ZSWIM9: variants seen among roughly 807,000 people sequenced by gnomAD.
The protein encoded by ZSWIM9 is uncharacterized protein ZSWIM9.
Under a neutral mutation model 25.0 loss-of-function variants are expected in ZSWIM9, and 11 were observed. The ratio of observed to expected loss-of-function variants is 0.44; its 90% confidence interval spans 0.28 to 0.73. ZSWIM9 has a LOEUF of 0.73. Among genes scored for constraint, ZSWIM9 ranks in the 30% least tolerant of loss-of-function variants. ZSWIM9 has a pLI of 0.16. For synonymous variants in ZSWIM9, 562 were observed against 582.1 expected (o/e 0.97, Z 0.50); for missense variants, 1,070 against 1,296.5 (o/e 0.83, Z 2.68).
At chr19:48,172,142 G>GGGGGGGGGGGGGGGGGGC in intron 2 of ZSWIM9, 65 bp downstream of exon 2, 1 of 546,424 alleles carries the variant, frequency 1.8e-6, no homozygotes, top group East Asian at 4.0e-5. Context: ...GTGTGGGTGG[G>GGGGGGGGGGGGGGGGGGC]AGACGGGCAG....
intron 3 of ZSWIM9, chr19:48,187,612 T>TA (rs1477446548): frequency 4.8e-5 from 5 of 103,888 alleles, no homozygotes; most frequent in South Asian, 2.5e-4. Context: ...ATATATTATA[T>TA]TAATATTATA....
At position 48,195,336 on chromosome 19, in the gene ZSWIM9, G is replaced by A. The variant is rs1180998297; in HGVS notation, c.1272G>A (p.Ala424=). 2.6e-6 allele frequency: 4 copies of A among 1,528,158 alleles called. No homozygotes were observed. In the African/African-American group the frequency reaches 4.2e-5, roughly 16 times the overall value. 94.7% of individuals were successfully genotyped at this position (1,528,158 alleles called of 1,614,324 possible). A position where few individuals can be genotyped will look rare whatever the true frequency, so the allele number is the denominator to read the frequency against. Residue 424 remains alanine, a synonymous_variant, in exon 4 of 4, where the codon GCG becomes GCA. Transcript: ENST00000614654. The surrounding 1 kb of genome is among the most constrained non-coding windows in gnomAD (Gnocchi z 5.8). The part of the protein sequence containing the change: ...LRRLSPSRGV[A]QCLRDLVAMQ... Reference sequence around the variant, plus strand: ...GTCTCAGCCCCTCGCGTGGCGTGGCGCAGTGCCTTCGCGACCTGGTGGCCA... The same window carrying A: ...GTCTCAGCCCCTCGCGTGGCGTGGCACAGTGCCTTCGCGACCTGGTGGCCA...
intron 3 of ZSWIM9, among the ~76,000 whole-genome samples, chr19:48,191,591 G>A (rs1005299809): frequency 1.3e-5 from 2 of 152,298 alleles, no homozygotes; most frequent in Admixed American, 1.3e-4. Context: ...CATGGAAAAG[G>A]GAAGGTTTAC....
intron 3 of ZSWIM9, among the ~76,000 whole-genome samples, chr19:48,183,489 G>A (rs1000071585): frequency 6.6e-6 from 1 of 151,984 alleles, no homozygotes; most frequent in African/African-American, 2.4e-5. Flanking sequence ...GCCTTGCAGA[G>A]GTAACTGCCA....
chr19:48,173,561 G>A (rs576953913), intron 2 of ZSWIM9, among the ~76,000 whole-genome samples: 34 of 151,848 alleles, frequency 2.2e-4, no homozygotes, highest in African/African-American at 7.5e-4. Context: ...TGCCCACCTC[G>A]GCCTCCCAGA....
Position 48,194,621 on chromosome 19 carries a change from C to T in ZSWIM9, c.589-32C>T, listed in dbSNP as rs1199216739. 1 of 1,405,112 alleles carries T rather than the reference C, an allele frequency of 7.1e-7. No homozygotes were observed. The highest frequency in any genetic ancestry group is 9.3e-7 in the Non-Finnish European group (1 of 1,076,690). 87.0% of individuals were successfully genotyped at this position (1,405,112 alleles called of 1,614,324 possible). A position where few individuals can be genotyped will look rare whatever the true frequency, so the allele number is the denominator to read the frequency against. ...CGGGGAGACCCCAGCATCCTCTGACCTCTTTCCTTGCCTCCCTGCCCCCGC... is the reference window on the plus strand; with the variant it reads ...CGGGGAGACCCCAGCATCCTCTGACTTCTTTCCTTGCCTCCCTGCCCCCGC... On this transcript the variant is annotated intron_variant, in intron 3 of 3. Transcript: ENST00000614654. The surrounding 1 kb of genome is among the most constrained non-coding windows in gnomAD (Gnocchi z 6.0).
chr19:48,173,193 G>A (rs1419580707), intron 2 of ZSWIM9, among the ~76,000 whole-genome samples: 1 of 152,200 alleles, frequency 6.6e-6, no homozygotes, highest in Non-Finnish European at 1.5e-5. Flanking sequence ...CAAGCTCACA[G>A]GTAGTTCCCT....
chr19:48,171,402 G>A (rs868538189), intron 1 of ZSWIM9: 5 of 984,942 alleles, frequency 5.1e-6, no homozygotes, highest in South Asian at 4.7e-5. Context: ...TTGGGTGAGA[G>A]ACACAGCTGG....
At chr19:48,178,837 G>A (rs1209674131) in intron 2 of ZSWIM9, among the ~76,000 whole-genome samples, 1 of 152,056 alleles carries the variant, frequency 6.6e-6, no homozygotes, top group East Asian at 1.9e-4. Flanking sequence ...GCCTCCCAAA[G>A]TGCTAGAATT....
rs1266552576 is a variant in ZSWIM9 at position 48,191,125 on chromosome 19, T to TGTGTGC, written c.589-3527_589-3526insTGTGCG. ...GTGTGTGTGTGTGTGTGTGTGTGTG[T>TGTGTGC]GCAGAATGGGTAGAACCGTGCCCAG... On this transcript the variant is annotated intron_variant, in intron 3 of 3. Transcript: ENST00000614654. Among the ~76,000 whole-genome samples the TGTGTGC allele has an allele frequency of 9.9e-5, 15 of 150,894 alleles. No homozygotes were observed. In the South Asian group the frequency reaches 2.7e-3, roughly 27 times the overall value.
Position 48,197,157 on chromosome 19 carries a change from G to A in ZSWIM9, c.*330G>A. 7 of 696,866 alleles carry A rather than the reference G, an allele frequency of 1.0e-5. No individual in the cohort carries two copies. Among genetic ancestry groups the A allele is most frequent in the South Asian group, 4.5e-5 (3 of 66,842 alleles). 43.2% of individuals were successfully genotyped at this position (696,866 alleles called of 1,614,324 possible). On this transcript the variant is annotated 3_prime_UTR_variant, in exon 4 of 4. Coordinates refer to ENST00000614654, the MANE Select transcript of ZSWIM9 (RefSeq NM_199341.4). ...GGAAAGGGGCAGAGCTGGGGGGAGG[G>A]GGAGGAAGCGATCATATGGGGAGTG...
chr19:48,196,814 C>A lies in ZSWIM9; in HGVS notation c.2750C>A (p.Ala917Asp), dbSNP rs1464577398. ...MDLLRDCWGR[A>D]PEP ...CTGCTCAGGGATTGCTGGGGGAGAGCCCCAGAGCCCTGACCCTTCATGCCT... is the reference window on the plus strand; with the variant it reads ...CTGCTCAGGGATTGCTGGGGGAGAGACCCAGAGCCCTGACCCTTCATGCCT... The change falls in exon 4 of 4, where the codon GCC becomes GAC. Residue 917 changes from alanine (A) to aspartate (D), a missense_variant. By Grantham distance (126) the Ala-to-Asp change is moderately radical. Transcript: ENST00000614654. 1.5e-5 allele frequency: 18 copies of A among 1,236,640 alleles called. No homozygotes were observed. The allele number at this position is 1,236,640 out of a possible 1,614,324, so 76.6% of individuals were successfully genotyped here.
intron 3 of ZSWIM9, among the ~76,000 whole-genome samples, chr19:48,187,438 AT>A (rs1237678990): frequency 1.0e-5 from 1 of 95,966 alleles, no homozygotes; most frequent in Non-Finnish European, 2.0e-5. Context: ...ATTATATTAT[AT>A]ATATTATATA....
intron 2 of ZSWIM9, among the ~76,000 whole-genome samples, chr19:48,180,448 G>A (rs1222045074): frequency 2.6e-5 from 4 of 151,672 alleles, no homozygotes; most frequent in Non-Finnish European, 5.9e-5. Flanking sequence ...GTGCCACTGT[G>A]CCTGGCTCTT....
intron 3 of ZSWIM9, among the ~76,000 whole-genome samples, chr19:48,187,515 A>ATATTATATTATAATATAT (rs2037036433): frequency 1.4e-5 from 1 of 73,952 alleles, no homozygotes; most frequent in East Asian, 3.5e-4. Context: ...ATTATATTAT[A>ATATTATATTATAATATAT]TATATTATAT....
chr19:48,185,425 G>A (rs957161050), intron 3 of ZSWIM9, among the ~76,000 whole-genome samples: 6 of 152,122 alleles, frequency 3.9e-5, no homozygotes, highest in African/African-American at 9.7e-5. Flanking sequence ...ATGAGCCACC[G>A]TGCCCAGCCC....
chr19:48,197,384 T>G lies in ZSWIM9; in HGVS notation c.*557T>G, dbSNP rs2037181542. ...GGAAGCAGGAGAGGAAGGGACGGGA[T>G]GTAGGAGGGGGAAGAAAAATCGGAG... is the stretch of plus-strand genomic sequence containing the variant. On this transcript the variant is annotated 3_prime_UTR_variant, in exon 4 of 4. Coordinates refer to ENST00000614654, the MANE Select transcript of ZSWIM9 (RefSeq NM_199341.4). 1.5e-6 allele frequency: 1 copy of G among 649,316 alleles called. No homozygotes were observed. The highest frequency in any genetic ancestry group is 1.7e-5 in the South Asian group (1 of 58,952). The allele number at this position is 649,316 out of a possible 1,614,324, so 40.2% of individuals were successfully genotyped here.
Position 48,195,466 on chromosome 19 carries a change from A to T in ZSWIM9, c.1402A>T (p.Arg468Trp). ...GAGGGGAGCCCAGGGGGAGAACGAGAGGGTGAGGGGCCTGGAGACAGGCGA... is the reference window on the plus strand; with the variant it reads ...GAGGGGAGCCCAGGGGGAGAACGAGTGGGTGAGGGGCCTGGAGACAGGCGA... Reference protein sequence around the residue: ...PGRGAQGENERVRGLETGDWG... With the variant: ...PGRGAQGENEWVRGLETGDWG... The change falls in exon 4 of 4, where the codon AGG (arginine) becomes TGG (tryptophan). Residue 468 changes from arginine (R) to tryptophan (W), a missense_variant. This residue lies in a region of ZSWIM9 where 583 missense variants were observed against 624.7 expected (regional missense o/e 0.93). Transcript: ENST00000614654. This position sits in a 1 kb window ranked among gnomAD's most constrained non-coding sequence, Gnocchi z 5.8. 7.0e-7 allele frequency: 1 copy of T among 1,424,010 alleles called. No individual in the cohort carries two copies. Among genetic ancestry groups the T allele is most frequent in the Non-Finnish European group, 9.1e-7 (1 of 1,097,024 alleles). 88.2% of individuals were successfully genotyped at this position (1,424,010 alleles called of 1,614,324 possible). A position where few individuals can be genotyped will look rare whatever the true frequency, so the allele number is the denominator to read the frequency against.
At chr19:48,187,486 TTATATTATAA>T (rs1383221423) in intron 3 of ZSWIM9, among the ~76,000 whole-genome samples, 7 of 57,260 alleles carry the variant, frequency 1.2e-4, no homozygotes, top group African/African-American at 1.5e-4. Context: ...ATATTATATA[TTATATTATAA>T]TATATTATAT....
Sources: allele counts gnomAD v4.1 joint callset (sites outside exome capture counted in the v4.1 genomes callset), GRCh38; gene constraint gnomAD v4.1.1; regional missense constraint gnomAD v4.1.1; non-coding constraint Gnocchi (gnomAD v3.1); transcripts MANE v1.5; gene names NCBI Gene and HGNC (gene_info 2026-07-23, HGNC 2026-07-21).